The following PTPRD variants were observed in gnomAD, a reference collection of about 807,000 sequenced individuals.
The protein encoded by PTPRD is receptor-type tyrosine-protein phosphatase delta.
In PTPRD, 34 loss-of-function variants were observed where a neutral mutation model predicts 214.5. The observed-to-expected ratio is 0.16, with a 90% confidence interval of 0.12 to 0.21. PTPRD has a LOEUF of 0.21. Among genes scored for constraint, PTPRD ranks in the 10% least tolerant of loss-of-function variants. The pLI is 1.00. For synonymous variants in PTPRD, 1,128 were observed against 845.7 expected (o/e 1.33, Z -5.79); for missense variants, 2,545 against 2,398.7 (o/e 1.06, Z -1.27).
At position 9,314,287 on chromosome 9, in the gene PTPRD, T is replaced by C. The variant is rs958296917; in HGVS notation, c.-203+83162A>G. The stretch of plus-strand genomic sequence containing the variant: ...CCATTATTTTTAACGGAACAAAATT[T>C]GTATTCTGAGTTCATTAGAATACTG... On this transcript the variant is annotated intron_variant, in intron 9 of 45. Transcript: ENST00000381196. 8.5e-5 allele frequency among the ~76,000 whole-genome samples: 13 copies of C among 152,298 alleles called. No individual in the cohort carries two copies. In the East Asian group the frequency reaches 1.7e-3, roughly 20 times the overall value.
At chr9:9,514,298 T>G (rs965562807) in intron 8 of PTPRD, among the ~76,000 whole-genome samples, 1 of 151,972 alleles carries the variant, frequency 6.6e-6, no homozygotes, top group African/African-American at 2.4e-5. Context: ...ATAATGAGAA[T>G]CATAACTGAG....
rs577649997 is a variant in PTPRD, at chr9:8,459,375, G to A, written c.3875+1036C>T. 1.2e-3 allele frequency among the ~76,000 whole-genome samples: 188 copies of A among 152,002 alleles called. 1 individual carries two copies. The highest frequency in any genetic ancestry group is 3.9e-3 in the African/African-American group (160 of 41,486). On this transcript the variant is annotated intron_variant, in intron 33 of 45. Transcript: ENST00000381196. ...ATTTCAAAATATAACACACCACAAG[G>A]AAAACGAGAACATGGATTAAAGTTT...
At chr9:8,634,616 C>CGT (rs1190901480) in intron 13 of PTPRD, among the ~76,000 whole-genome samples, 1 of 151,964 alleles carries the variant, frequency 6.6e-6, no homozygotes, top group Non-Finnish European at 1.5e-5. Context: ...CTCTATAAAG[C>CGT]ATACACTTTA....
intron 14 of PTPRD, among the ~76,000 whole-genome samples, chr9:8,553,511 G>A (rs930850578): frequency 6.6e-6 from 1 of 152,032 alleles, no homozygotes; most frequent in African/African-American, 2.4e-5. Flanking sequence ...GTCGTTTACT[G>A]GACACTTACC....
chr9:8,773,432 T>A (rs1200742640), intron 11 of PTPRD, among the ~76,000 whole-genome samples: 1 of 152,188 alleles, frequency 6.6e-6, no homozygotes. Flanking sequence ...GCAATCATGG[T>A]ACTCGCTTGT....
intron 2 of PTPRD, among the ~76,000 whole-genome samples, chr9:10,397,981 T>C (rs1287282708): frequency 2.6e-5 from 4 of 151,906 alleles, no homozygotes; most frequent in African/African-American, 9.7e-5. Flanking sequence ...GTAAAATTAA[T>C]ACATTAACTG....
intron 3 of PTPRD, among the ~76,000 whole-genome samples, chr9:10,270,347 A>G (rs758340026): frequency 6.6e-6 from 1 of 152,186 alleles, no homozygotes; most frequent in Non-Finnish European, 1.5e-5. Context: ...GTTATAAGGC[A>G]ATGCATCTCT....
At chr9:8,866,729 T>A (rs1451969373) in intron 11 of PTPRD, among the ~76,000 whole-genome samples, 1 of 152,150 alleles carries the variant, frequency 6.6e-6, no homozygotes, top group African/African-American at 2.4e-5. Context: ...TTTCTTATGA[T>A]CACCTACATG....
At chr9:9,058,196 T>G (rs1234098817) in intron 10 of PTPRD, among the ~76,000 whole-genome samples, 1 of 152,024 alleles carries the variant, frequency 6.6e-6, no homozygotes, top group African/African-American at 2.4e-5. Flanking sequence ...ACGACTAGGT[T>G]TTTTAGCAAC....
At chr9:10,065,179 G>GAAAGAAAGAAAGAAAA (rs1337212405) in intron 3 of PTPRD, among the ~76,000 whole-genome samples, 1 of 151,368 alleles carries the variant, frequency 6.6e-6, no homozygotes, top group African/African-American at 2.4e-5. Flanking sequence ...AAGAAAGAAA[G>GAAAGAAAGAAAGAAAA]AAAGAAAGAA....
At chr9:10,026,783 A>G (rs562862779) in intron 4 of PTPRD, among the ~76,000 whole-genome samples, 1 of 152,166 alleles carries the variant, frequency 6.6e-6, no homozygotes, top group South Asian at 2.1e-4. Flanking sequence ...CATGTATGTT[A>G]TACATTTACA....
intron 2 of PTPRD, among the ~76,000 whole-genome samples, chr9:10,515,751 T>A (rs60037109): frequency 0.059 from 9,038 of 151,932 alleles, 510 homozygotes; most frequent in African/African-American, 0.14. Flanking sequence ...CTATTTCTCT[T>A]TCACTCAGAC....
intron 11 of PTPRD, among the ~76,000 whole-genome samples, chr9:8,809,856 C>T (rs2096765222): frequency 6.6e-6 from 1 of 152,192 alleles, no homozygotes; most frequent in Non-Finnish European, 1.5e-5. Flanking sequence ...CTTTATTCTT[C>T]ACCAGGAATA....
rs201845281 is a variant in PTPRD at position 9,244,414 on chromosome 9, C to G, written c.-202-61051G>C. 7.9e-5 allele frequency among the ~76,000 whole-genome samples: 12 copies of G among 152,172 alleles called. No homozygotes were observed. In the South Asian group the frequency reaches 8.3e-4, roughly 11 times the overall value. Reference sequence around the variant, plus strand: ...CTACAAGTCTACAGTAACCAAAACACCATGGTACTGGTACCAATACAGAGA... The same window carrying G: ...CTACAAGTCTACAGTAACCAAAACAGCATGGTACTGGTACCAATACAGAGA... On this transcript the variant is annotated intron_variant, in intron 9 of 45. Coordinates refer to ENST00000381196, the MANE Select transcript of PTPRD (RefSeq NM_002839.4).
intron 3 of PTPRD, among the ~76,000 whole-genome samples, chr9:10,316,277 T>C (rs902072059): frequency 6.6e-6 from 1 of 151,528 alleles, no homozygotes; most frequent in Non-Finnish European, 1.5e-5. Context: ...AATAATTTAA[T>C]AATTTAGCAT....
chr9:9,266,152 TATA>T (rs1201805284), intron 9 of PTPRD, among the ~76,000 whole-genome samples: 1 of 151,566 alleles, frequency 6.6e-6, no homozygotes, highest in Non-Finnish European at 1.5e-5. Flanking sequence ...AAAGTCATTT[TATA>T]ATGATAAAAG....
At chr9:8,753,754 T>C (rs73419274) in intron 11 of PTPRD, among the ~76,000 whole-genome samples, 7,712 of 152,212 alleles carry the variant, frequency 0.051, 483 homozygotes, top group African/African-American at 0.15. Context: ...TAACAAAAGT[T>C]CACAAGATTT....
intron 5 of PTPRD, among the ~76,000 whole-genome samples, chr9:9,921,853 C>T (rs1214567678): frequency 6.6e-6 from 1 of 151,748 alleles, no homozygotes; most frequent in African/African-American, 2.4e-5. Context: ...GCAACCATAA[C>T]ATTCCTATCA....
chr9:8,755,389 C>T (rs531457138), intron 11 of PTPRD, among the ~76,000 whole-genome samples: 1 of 151,780 alleles, frequency 6.6e-6, no homozygotes, highest in East Asian at 1.9e-4. Context: ...ATTAGCCGAG[C>T]ATGGCGGTGC....
Sources: allele counts gnomAD v4.1 joint callset (sites outside exome capture counted in the v4.1 genomes callset), GRCh38; gene constraint gnomAD v4.1.1; transcripts MANE v1.5; gene names NCBI Gene and HGNC (gene_info 2026-07-23, HGNC 2026-07-21).